Variants in ROR2 observed in about 807,000 individuals in gnomAD.
ROR2 encodes tyrosine-protein kinase transmembrane receptor ROR2.
ROR2 carries 33 observed loss-of-function variants against 74.9 expected under a neutral mutation model. That is an observed-to-expected ratio of 0.44 (90% CI 0.33 to 0.59). ROR2 has a LOEUF of 0.59. Ranked by LOEUF, ROR2 falls within the 20% of genes least tolerant of loss-of-function variation. ROR2 has a pLI of 0.02. For missense variants in ROR2, 1,216 were observed against 1,313.8 expected, an observed-to-expected ratio of 0.93 and a Z score of 1.15; for synonymous variants, 586 against 558.7, an observed-to-expected ratio of 1.05 and a Z score of -0.69.
intron 1 of ROR2, among the ~76,000 whole-genome samples, chr9:91,909,513 A>ATTT (rs36122642): frequency 1.5e-5 from 2 of 136,292 alleles, no homozygotes; most frequent in Non-Finnish European, 1.6e-5. Context: ...CATCCAACTA[A>ATTT]TTTTTTTTTT....
chr9:91,786,942 T>C (rs942101344), intron 1 of ROR2, among the ~76,000 whole-genome samples: 33 of 152,300 alleles, frequency 2.2e-4, no homozygotes, highest in African/African-American at 7.7e-4. Flanking sequence ...AGAGGTTGTA[T>C]GCATGCTCAG....
intron 1 of ROR2, among the ~76,000 whole-genome samples, chr9:91,838,536 C>T (rs1455608621): frequency 3.3e-5 from 5 of 152,148 alleles, no homozygotes; most frequent in Non-Finnish European, 1.5e-5. Context: ...GATCGGACTG[C>T]GGGGTTTCAT....
At position 91,881,571 on chromosome 9, in the gene ROR2, ATG is replaced by A. The variant is rs1830112961; in HGVS notation, c.97+68294_97+68295del. On this transcript the variant is annotated intron_variant, in intron 1 of 8. Coordinates refer to ENST00000375708, the MANE Select transcript of ROR2 (RefSeq NM_004560.4). ...ACTTACTGTTAGTACTCCTTTTTTG[ATG>A]GTGAGTTATCTCCAGCAGCATAGTT... is the stretch of plus-strand genomic sequence containing the variant. Among the ~76,000 whole-genome samples, 4 of 152,278 alleles carry A rather than the reference ATG, an allele frequency of 2.6e-5. No homozygotes were observed. The South Asian group carries it at 8.3e-4, about 32-fold the overall frequency.
rs77664658 is a variant in ROR2 at position 91,723,417 on chromosome 9, T to C, written c.*245A>G. 2.6e-3 allele frequency: 1,498 copies of C among 576,984 alleles called. 16 individuals carry two copies. The highest frequency in any genetic ancestry group is 0.025 in the African/African-American group (1,354 of 53,578). 35.7% of individuals were successfully genotyped at this position (576,984 alleles called of 1,614,324 possible). On this transcript the variant is annotated 3_prime_UTR_variant, in exon 9 of 9. Transcript: ENST00000375708. Reference sequence around the variant, plus strand: ...ATGTATACAGCCCTGGGGATGACCATGTGTCCTGCTCCCCAGGACGCCGTG... The same window carrying C: ...ATGTATACAGCCCTGGGGATGACCACGTGTCCTGCTCCCCAGGACGCCGTG...
chr9:91,815,864 A>G (rs954844635), intron 1 of ROR2, among the ~76,000 whole-genome samples: 1 of 151,958 alleles, frequency 6.6e-6, no homozygotes, highest in Non-Finnish European at 1.5e-5. Context: ...GCAACACAAA[A>G]CCATCAGCGC....
intron 1 of ROR2, among the ~76,000 whole-genome samples, chr9:91,936,271 G>C (rs945427034): frequency 6.6e-6 from 1 of 152,240 alleles, no homozygotes; most frequent in East Asian, 1.9e-4. Context: ...AAACTGGGCA[G>C]CTTAAACAAC....
At chr9:91,778,358 T>C (rs1004825777) in intron 1 of ROR2, among the ~76,000 whole-genome samples, 2 of 152,206 alleles carry the variant, frequency 1.3e-5, no homozygotes, top group African/African-American at 4.8e-5. Flanking sequence ...CAACCCGATA[T>C]GGCTGGTGAA....
chr9:91,890,776 C>G (rs1830402806), intron 1 of ROR2, among the ~76,000 whole-genome samples: 1 of 152,182 alleles, frequency 6.6e-6, no homozygotes, highest in Non-Finnish European at 1.5e-5. Flanking sequence ...TGTATCTTCT[C>G]CTGTGTTTTA....
intron 1 of ROR2, among the ~76,000 whole-genome samples, chr9:91,942,167 T>C (rs1279428756): frequency 6.6e-6 from 1 of 152,208 alleles, no homozygotes; most frequent in African/African-American, 2.4e-5. Flanking sequence ...TACAGACCAT[T>C]GTTTCATAGA....
At chr9:91,949,472 G>A (rs1005695138) in intron 1 of ROR2, among the ~76,000 whole-genome samples, 5 of 151,988 alleles carry the variant, frequency 3.3e-5, no homozygotes, top group Admixed American at 6.5e-5. Context: ...CCTTGAAGGA[G>A]GAAGACCTCG....
intron 1 of ROR2, among the ~76,000 whole-genome samples, chr9:91,899,435 C>T (rs1030847675): frequency 6.6e-6 from 1 of 152,138 alleles, no homozygotes; most frequent in Non-Finnish European, 1.5e-5. Context: ...ACTATGGAAC[C>T]CTGTGTCCCT....
chr9:91,838,801 C>T (rs572478663), intron 1 of ROR2, among the ~76,000 whole-genome samples: 4 of 152,180 alleles, frequency 2.6e-5, no homozygotes, highest in Admixed American at 6.5e-5. Context: ...TATGAGTTAT[C>T]GTGAAACCCA....
chr9:91,816,512 C>T (rs1164043015), intron 1 of ROR2, among the ~76,000 whole-genome samples: 2 of 152,104 alleles, frequency 1.3e-5, no homozygotes, highest in Admixed American at 1.3e-4. Flanking sequence ...GGCCTTGCCC[C>T]GAATGCCAGC....
chr9:91,826,823 A>T (rs997727110), intron 1 of ROR2, among the ~76,000 whole-genome samples: 19 of 151,910 alleles, frequency 1.3e-4, no homozygotes, highest in African/African-American at 4.6e-4. Context: ...AAAGAATGTG[A>T]TCTTTTGTAA....
chr9:91,738,915 T>G (rs1038360167), intron 4 of ROR2, among the ~76,000 whole-genome samples: 2 of 152,184 alleles, frequency 1.3e-5, no homozygotes, highest in African/African-American at 4.8e-5. Context: ...CTGCAGAAAC[T>G]GTTGGTCTGG....
chr9:91,843,089 C>T (rs1414004302), intron 1 of ROR2, among the ~76,000 whole-genome samples: 1 of 152,196 alleles, frequency 6.6e-6, no homozygotes, highest in Non-Finnish European at 1.5e-5. Flanking sequence ...AAAAAACCCA[C>T]AGAGAATGTG....
intron 1 of ROR2, among the ~76,000 whole-genome samples, chr9:91,823,242 G>A (rs1231843180): frequency 6.6e-6 from 1 of 152,204 alleles, no homozygotes; most frequent in African/African-American, 2.4e-5. Flanking sequence ...CCATTATGGA[G>A]AATGACAGTT....
intron 1 of ROR2, among the ~76,000 whole-genome samples, chr9:91,830,396 C>G (rs911275359): frequency 3.3e-5 from 5 of 152,164 alleles, no homozygotes; most frequent in Non-Finnish European, 5.9e-5. Context: ...CACTTGAGTC[C>G]AGGAGTTCAA....
Position 91,724,372 on chromosome 9 carries a change from G to A in ROR2, c.2122C>T (p.Arg708Trp), listed in dbSNP as rs752726859. Residue 708 changes from arginine (R) to tryptophan (W), a missense_variant, in exon 9 of 9, where the codon CGG (arginine) becomes TGG (tryptophan). Transcript: ENST00000375708. Reference sequence around the variant, plus strand: ...TCATCGGGGCAAGGCAGCACCTGCCGGTTCCGGATCATCTCCACCACATCC... The same window carrying A: ...TCATCGGGGCAAGGCAGCACCTGCCAGTTCCGGATCATCTCCACCACATCC... ...NQDVVEMIRN[R>W]QVLPCPDDCP... The A allele has an allele frequency of 1.3e-5, 21 of 1,614,008 alleles. No individual in the cohort carries two copies. The highest frequency in any genetic ancestry group is 3.3e-5 in the Admixed American group (2 of 60,026).
Sources: gnomAD v4.1 joint callset for allele counts (sites outside exome capture counted in the v4.1 genomes callset) on GRCh38, gnomAD v4.1.1 for gene constraint, MANE v1.5 for transcripts, NCBI Gene and HGNC (gene_info 2026-07-23, HGNC 2026-07-21) for gene names.